Variants in PRPF8 observed in about 807,000 individuals in gnomAD.
The protein encoded by PRPF8 is pre-mRNA-processing-splicing factor 8.
In PRPF8, 64 loss-of-function variants were observed where a neutral mutation model predicts 285.9. The observed-to-expected ratio is 0.22, with a 90% confidence interval of 0.18 to 0.28. PRPF8 has a LOEUF of 0.28. Ranked by LOEUF, PRPF8 falls within the 10% of genes least tolerant of loss-of-function variation. The pLI is 1.00. For synonymous variants in PRPF8, 1,325 were observed against 1,118.2 expected, an observed-to-expected ratio of 1.18 and a Z score of -3.69; for missense variants, 1,426 against 3,026.7, an observed-to-expected ratio of 0.47 and a Z score of 12.41.
rs551203065 is a variant in PRPF8, at chr17:1,656,780, G to T, written c.5506-19C>A. The stretch of plus-strand genomic sequence containing the variant: ...TAGCCAACTTAAAAGCAAGAGAGAA[G>T]AAAATGGAAATTTAGTCTCTACCCT... On this transcript the variant is annotated intron_variant, in intron 34 of 42. Transcript: ENST00000304992. 1 of 1,606,634 alleles carries T rather than the reference G, an allele frequency of 6.2e-7. No homozygotes were observed. Among genetic ancestry groups the T allele is most frequent in the Admixed American group, 1.7e-5 (1 of 59,754 alleles).
Position 1,661,395 on chromosome 17 carries a change from A to G in PRPF8, c.4214T>C (p.Leu1405Ser). The change falls in exon 27 of 43, where the codon TTA (leucine) becomes TCA (serine). Residue 1405 changes from leucine (L) to serine (S), a missense_variant. Coordinates refer to ENST00000304992, the MANE Select transcript of PRPF8 (RefSeq NM_006445.4). This position sits in a 1 kb window ranked among gnomAD's most constrained non-coding sequence, Gnocchi z 7.3. ...ATCCCATGAATCTTCTAGGTCTTCTAAAGTCAGGCGTCTTCCAAAAAAAGA... is the reference window on the plus strand; with the variant it reads ...ATCCCATGAATCTTCTAGGTCTTCTGAAGTCAGGCGTCTTCCAAAAAAAGA... ...EAIAQNRRLT[L>S]EDLEDSWDRG... The G allele has an allele frequency of 6.2e-7, 1 of 1,614,214 alleles. No individual in the cohort carries two copies. The highest frequency in any genetic ancestry group is 8.5e-7 in the Non-Finnish European group (1 of 1,180,044).
At position 1,675,885 on chromosome 17, in the gene PRPF8, C is replaced by A. The variant is rs1186167091; in HGVS notation, c.2679+43G>T. On this transcript the variant is annotated intron_variant, in intron 18 of 42. Coordinates refer to ENST00000304992, the MANE Select transcript of PRPF8 (RefSeq NM_006445.4). The surrounding 1 kb of genome is among the most constrained non-coding windows in gnomAD (Gnocchi z 6.0). ...TTGGTAGAACCAAAGGCAACTGCTA[C>A]CTTTGGTAGAACCAAAAAGAAAACT... 2 of 1,610,312 alleles carry A rather than the reference C, an allele frequency of 1.2e-6. No individual in the cohort carries two copies. Among genetic ancestry groups the A allele is most frequent in the Admixed American group, 1.7e-5 (1 of 59,994 alleles).
chr17:1,662,406 T>C (rs1418270683), intron 24 of PRPF8, among the ~76,000 whole-genome samples: 5 of 151,890 alleles, frequency 3.3e-5, no homozygotes, highest in Non-Finnish European at 7.4e-5. Flanking sequence ...CTGGCCAACA[T>C]GGCAAAACCC....
chr17:1,662,347 G>A (rs1911711179), intron 24 of PRPF8, among the ~76,000 whole-genome samples, 194 bp from the exon 25 acceptor site: 1 of 152,220 alleles, frequency 6.6e-6, no homozygotes, highest in Admixed American at 6.5e-5. Context: ...CCAGCACTTT[G>A]GGAGGCCAAG....
At position 1,673,692 on chromosome 17, in the gene PRPF8, T is replaced by A; in HGVS notation, c.3446+54A>T. On this transcript the variant is annotated intron_variant, in intron 22 of 42. Transcript: ENST00000304992. This position sits in a 1 kb window ranked among gnomAD's most constrained non-coding sequence, Gnocchi z 5.5. The stretch of plus-strand genomic sequence containing the variant: ...AGGACGCAGCCTCAGGTATGCCCTC[T>A]CTGGGCCCTTAGCTTATGTCCTTCC... The A allele has an allele frequency of 1.2e-6, 2 of 1,612,932 alleles. No individual in the cohort carries two copies. The highest frequency in any genetic ancestry group is 1.7e-6 in the Non-Finnish European group (2 of 1,179,698).
chr17:1,660,937 C>T (rs1405664566), intron 28 of PRPF8, 56 bp downstream of exon 28: 4 of 1,612,490 alleles, frequency 2.5e-6, no homozygotes, highest in African/African-American at 2.7e-5. Flanking sequence ...CAGAGGCATA[C>T]AAGAGATGAG....
chr17:1,673,816 C>T lies in PRPF8; in HGVS notation c.3376G>A (p.Val1126Ile), dbSNP rs764042276. The T allele has an allele frequency of 1.2e-6, 2 of 1,614,074 alleles. No individual in the cohort carries two copies. The highest frequency in any genetic ancestry group is 2.2e-5 in the East Asian group (1 of 44,884). ...EHPDPNNENIVGYNNKKCWPR... is the reference protein window; with the variant it reads ...EHPDPNNENIIGYNNKKCWPR... Reference sequence around the variant, plus strand: ...CAGCACTTCTTGTTATTATAGCCAACGATGTTTTCATTATTGGGGTCAGGG... The same window carrying T: ...CAGCACTTCTTGTTATTATAGCCAATGATGTTTTCATTATTGGGGTCAGGG... Residue 1126 changes from valine (V) to isoleucine (I), a missense_variant, in exon 22 of 43, where the codon GTT (valine) becomes ATT (isoleucine). Around this residue, in one of 34 missense-constraint regions of PRPF8, gnomAD observed 148 missense variants for 196.2 expected, o/e 0.75. Coordinates refer to ENST00000304992, the MANE Select transcript of PRPF8 (RefSeq NM_006445.4). This position sits in a 1 kb window ranked among gnomAD's most constrained non-coding sequence, Gnocchi z 5.5.
Position 1,673,005 on chromosome 17 carries a change from G to T in PRPF8, c.3774+76C>A. On this transcript the variant is annotated intron_variant, in intron 24 of 42. Coordinates refer to ENST00000304992, the MANE Select transcript of PRPF8 (RefSeq NM_006445.4). The surrounding 1 kb of genome is among the most constrained non-coding windows in gnomAD (Gnocchi z 5.5). ...GAAGAGAAGGAAGCAGCCAGCAGGGGACGAAGTGAAAGGGGTGTGAAATGA... is the reference window on the plus strand; with the variant it reads ...GAAGAGAAGGAAGCAGCCAGCAGGGTACGAAGTGAAAGGGGTGTGAAATGA... 7.4e-7 allele frequency: 1 copy of T among 1,343,924 alleles called. No individual in the cohort carries two copies. Among genetic ancestry groups the T allele is most frequent in the African/African-American group, 1.4e-5 (1 of 69,756 alleles). 83.2% of individuals were successfully genotyped at this position (1,343,924 alleles called of 1,614,324 possible).
At position 1,682,214 on chromosome 17, in the gene PRPF8, G is replaced by A. The variant is rs1455464272; in HGVS notation, c.349C>T (p.Pro117Ser). 3.1e-6 allele frequency: 5 copies of A among 1,613,994 alleles called. No homozygotes were observed. The Admixed American group carries it at 5.0e-5, about 16-fold the overall frequency. The change falls in exon 4 of 43, where the codon CCT becomes TCT. Residue 117 changes from proline to serine, a missense_variant. Physicochemically the swap from Pro to Ser is moderately conservative, Grantham distance 74. This residue lies in a region of PRPF8 where 96 missense variants were observed against 188.3 expected (regional missense o/e 0.51). Transcript: ENST00000304992. ...GCTCCAGTGATGTGGTACAGCACAG[G>A]CACATCCCGAATCTGCTCCCAAGGC... ...PMPWEQIRDV[P>S]VLYHITGAIS...
At position 1,673,566 on chromosome 17, in the gene PRPF8, C is replaced by T. The variant is rs1266427301; in HGVS notation, c.3448G>A (p.Gly1150Ser). The change falls in exon 23 of 43, where the codon GGC becomes AGC. Residue 1150 changes from glycine to serine, a missense_variant and splice_region_variant. Physicochemically the swap from Gly to Ser is moderately conservative, Grantham distance 56. Around this residue, in one of 34 missense-constraint regions of PRPF8, gnomAD observed 148 missense variants for 196.2 expected, o/e 0.75. Coordinates refer to ENST00000304992, the MANE Select transcript of PRPF8 (RefSeq NM_006445.4). The surrounding 1 kb of genome is among the most constrained non-coding windows in gnomAD (Gnocchi z 5.5). ...MRLMKHDVNL[G>S]RAVFWDIKNR... is the part of the protein sequence containing the mutation. ...TTGATGTCCCAGAATACCGCCCGGC[C>T]TCTGCCCACAGAGAACACATGGTCA... The T allele has an allele frequency of 6.2e-7, 1 of 1,614,112 alleles. No homozygotes were observed.
chr17:1,678,343 C>T (rs936409735), intron 13 of PRPF8, 175 bp downstream of exon 13: 9 of 748,120 alleles, frequency 1.2e-5, no homozygotes, highest in African/African-American at 1.8e-5. Flanking sequence ...AATTGCCAGG[C>T]GTGGTGGCGG....
intron 24 of PRPF8, among the ~76,000 whole-genome samples, chr17:1,664,090 G>A (rs9910056): frequency 0.18 from 28,083 of 152,026 alleles, 5,452 homozygotes; most frequent in African/African-American, 0.5. Flanking sequence ...GAGTGCAATG[G>A]CACCATCTCC....
chr17:1,658,790 G>C lies in PRPF8; in HGVS notation c.5139-27C>G, dbSNP rs746338613. 3.7e-6 allele frequency: 6 copies of C among 1,600,018 alleles called. No homozygotes were observed. In the South Asian group the frequency reaches 5.5e-5, roughly 15 times the overall value. Reference sequence around the variant, plus strand: ...TGTGAGGATAAAAGGGTCAAGAAAAGTTAAGACGAGAATGACAGCCCCAGA... The same window carrying C: ...TGTGAGGATAAAAGGGTCAAGAAAACTTAAGACGAGAATGACAGCCCCAGA... On this transcript the variant is annotated intron_variant, in intron 32 of 42. Transcript: ENST00000304992. This position sits in a 1 kb window ranked among gnomAD's most constrained non-coding sequence, Gnocchi z 4.1.
In PRPF8 at chr17:1,676,024, CCTCT is replaced by C; in HGVS notation, c.2579_2582del (p.Gln860ArgfsTer4). 1 of 1,613,476 alleles carries C rather than the reference CCTCT, an allele frequency of 6.2e-7. No individual in the cohort carries two copies. Among genetic ancestry groups the C allele is most frequent in the Non-Finnish European group, 8.5e-7 (1 of 1,180,000 alleles). ...CCTGCTCGATCAGACCTAGCTCCTC[CCTCT>C]GAGACTGGTTCAACCGAGACTTCAC... On this transcript the variant is annotated frameshift_variant, in exon 18 of 43. Transcript: ENST00000304992. LOFTEE classifies it high-confidence loss of function. This position sits in a 1 kb window ranked among gnomAD's most constrained non-coding sequence, Gnocchi z 6.3.
In PRPF8 at chr17:1,658,523, C is replaced by T. The variant is rs751302985; in HGVS notation, c.5376+3G>A. The T allele has an allele frequency of 1.9e-6, 3 of 1,612,594 alleles. No individual in the cohort carries two copies. In the South Asian group the frequency reaches 3.3e-5, roughly 18 times the overall value. On this transcript the variant is annotated splice_donor_region_variant and intron_variant, in intron 33 of 42. Coordinates refer to ENST00000304992, the MANE Select transcript of PRPF8 (RefSeq NM_006445.4). This position sits in a 1 kb window ranked among gnomAD's most constrained non-coding sequence, Gnocchi z 4.1. ...GCACCTATACACTGCTGCTAACACT[C>T]ACCTTGTGAATAGTCACTCTGTAGA...
chr17:1,660,011 A>G lies in PRPF8; in HGVS notation c.4786-10T>C, dbSNP rs1911593786. 3 of 1,613,796 alleles carry G rather than the reference A, an allele frequency of 1.9e-6. No individual in the cohort carries two copies. In the Admixed American group the frequency reaches 5.0e-5, roughly 27 times the overall value. On this transcript the variant is annotated splice_polypyrimidine_tract_variant and intron_variant, in intron 30 of 42. Coordinates refer to ENST00000304992, the MANE Select transcript of PRPF8 (RefSeq NM_006445.4). ...GTTCCTGGTCAAACACCTGAAGGAA[A>G]ACATGGAGAGATTAAGACTTGTTAA...
Position 1,679,180 on chromosome 17 carries a change from G to A in PRPF8, c.1436C>T (p.Thr479Ile). 1.2e-6 allele frequency: 2 copies of A among 1,614,220 alleles called. No individual in the cohort carries two copies. The highest frequency in any genetic ancestry group is 1.7e-6 in the Non-Finnish European group (2 of 1,180,046). ...CAGCTTTGTGGACTGAAAGAATTTG[G>A]TGGCTTTGAAGGAGCGGAACAAATA... ...KRYLFRSFKA[T>I]KFFQSTKLDW... Residue 479 changes from threonine to isoleucine, a missense_variant, in exon 11 of 43, where the codon ACC (threonine) becomes ATC (isoleucine). Thr to Ile is a moderately conservative substitution (Grantham distance 89). This residue lies in a region of PRPF8 where 137 missense variants were observed against 161.2 expected (regional missense o/e 0.85). Coordinates refer to ENST00000304992, the MANE Select transcript of PRPF8 (RefSeq NM_006445.4). The surrounding 1 kb of genome is among the most constrained non-coding windows in gnomAD (Gnocchi z 4.7).
intron 24 of PRPF8, among the ~76,000 whole-genome samples, chr17:1,663,064 G>C (rs1284151807): frequency 6.6e-6 from 1 of 152,118 alleles, no homozygotes; most frequent in Admixed American, 6.6e-5. Context: ...ATACTACTAA[G>C]AGTGGGAGTG....
chr17:1,663,946 CCT>C (rs1911814229), intron 24 of PRPF8, among the ~76,000 whole-genome samples: 1 of 151,996 alleles, frequency 6.6e-6, no homozygotes, highest in South Asian at 2.1e-4. Flanking sequence ...GTTCAGAAGA[CCT>C]AATAATCCTA....
Sources: gnomAD v4.1 joint callset for allele counts (sites outside exome capture counted in the v4.1 genomes callset) on GRCh38, gnomAD v4.1.1 for gene constraint, gnomAD v4.1.1 regional missense constraint, Gnocchi (gnomAD v3.1) non-coding constraint, MANE v1.5 for transcripts, NCBI Gene and HGNC (gene_info 2026-07-23, HGNC 2026-07-21) for gene names.